Variants in XKR9 observed in about 807,000 individuals in gnomAD.
XKR9 encodes the protein XK related 9, also known as XK-related protein 9.
XKR9 carries 32 observed loss-of-function variants against 32.0 expected under a neutral mutation model. That is an observed-to-expected ratio of 1.00 (90% confidence interval 0.76 to 1.34). The LOEUF (loss-of-function observed/expected upper bound fraction) is 1.34. XKR9 is among the 40% of genes most tolerant of loss of function. XKR9 has a pLI of 0.00. For missense variants in XKR9, 546 were observed against 429.7 expected (o/e 1.27, Z -2.39); for synonymous variants, 168 against 143.4 (o/e 1.17, Z -1.22).
the XKR9 span, among the ~76,000 whole-genome samples, chr8:70,822,605 G>T: frequency 1.3e-5 from 2 of 151,122 alleles, no homozygotes; most frequent in African/African-American, 4.8e-5. Flanking sequence ...AATAGGTTCA[G>T]ATTTGCAGTG....
At chr8:70,677,109 G>A (rs1192214225) in intron 2 of XKR9, among the ~76,000 whole-genome samples, 1 of 149,328 alleles carries the variant, frequency 6.7e-6, no homozygotes, top group Non-Finnish European at 1.5e-5. Context: ...AAAAGCAGTG[G>A]AAAATAAGTT....
At chr8:70,712,188 T>C (rs1206987987) in intron 4 of XKR9, among the ~76,000 whole-genome samples, 1 of 152,054 alleles carries the variant, frequency 6.6e-6, no homozygotes, top group African/African-American at 2.4e-5. Flanking sequence ...GTTTAGAAGA[T>C]GGAAAGCAGA....
intron 2 of XKR9, among the ~76,000 whole-genome samples, chr8:70,757,283 G>T (rs1338109364): frequency 1.3e-5 from 2 of 151,214 alleles, no homozygotes; most frequent in Admixed American, 6.6e-5. Context: ...TTTCTGTGAG[G>T]GTCTGTTTAT....
chr8:70,855,435 T>C, the XKR9 span, among the ~76,000 whole-genome samples: 1 of 151,894 alleles, frequency 6.6e-6, no homozygotes, highest in East Asian at 1.9e-4. Flanking sequence ...AGAAAAAGAA[T>C]AAAAAGAAAT....
the XKR9 span, among the ~76,000 whole-genome samples, chr8:71,062,624 G>A: frequency 1.3e-5 from 2 of 152,122 alleles, no homozygotes; most frequent in African/African-American, 2.4e-5. Flanking sequence ...AGCCAGTTGG[G>A]TTTTGGTTTT....
At chr8:71,041,324 T>C in the XKR9 span, among the ~76,000 whole-genome samples, 4 of 152,296 alleles carry the variant, frequency 2.6e-5, no homozygotes, top group East Asian at 5.8e-4. Context: ...TGGGGGAATT[T>C]TCTGAAAAAT....
chr8:70,958,184 T>C, the XKR9 span, among the ~76,000 whole-genome samples: 2 of 152,194 alleles, frequency 1.3e-5, no homozygotes, highest in Non-Finnish European at 2.9e-5. Context: ...AGCTTTGTAA[T>C]AGAATGATTT....
At chr8:70,853,555 A>T in the XKR9 span, among the ~76,000 whole-genome samples, 4 of 151,316 alleles carry the variant, frequency 2.6e-5, no homozygotes, top group Admixed American at 1.3e-4. Context: ...TTTTTTTTTT[A>T]AATTATACTT....
the XKR9 span, among the ~76,000 whole-genome samples, chr8:71,047,887 C>T: frequency 6.6e-6 from 1 of 152,220 alleles, no homozygotes; most frequent in Non-Finnish European, 1.5e-5. Context: ...CAAACTACCT[C>T]TGCAGTAACT....
chr8:70,745,393 A>G (rs1807045067), intron 2 of XKR9, among the ~76,000 whole-genome samples: 1 of 152,230 alleles, frequency 6.6e-6, no homozygotes, highest in Admixed American at 6.5e-5. Flanking sequence ...TATGAGCAAT[A>G]CTTTCATAAA....
chr8:70,705,268 GAACAA>G (rs1349768736), intron 3 of XKR9, among the ~76,000 whole-genome samples: 1 of 152,112 alleles, frequency 6.6e-6, no homozygotes, highest in Non-Finnish European at 1.5e-5. Flanking sequence ...ATATAGCAAT[GAACAA>G]AACAAAGTCT....
chr8:70,782,632 TTTGA>T (rs2130255276), intron 2 of XKR9, among the ~76,000 whole-genome samples: 1 of 152,108 alleles, frequency 6.6e-6, no homozygotes, highest in East Asian at 1.9e-4. Context: ...CTTCTATAAG[TTTGA>T]TTGTTTTAGA....
intron 2 of XKR9, among the ~76,000 whole-genome samples, chr8:70,753,134 C>A (rs1304028495): frequency 1.3e-5 from 2 of 152,226 alleles, no homozygotes; most frequent in Admixed American, 1.3e-4. Context: ...ATACTACAAA[C>A]ACCTCTACAC....
At chr8:70,709,978 G>A (rs893539824) in intron 4 of XKR9, among the ~76,000 whole-genome samples, 3 of 152,018 alleles carry the variant, frequency 2.0e-5, no homozygotes, top group Non-Finnish European at 2.9e-5. Flanking sequence ...ACCCCAAATA[G>A]CCAAAGCAAT....
chr8:70,968,102 A>C, the XKR9 span, among the ~76,000 whole-genome samples: 1 of 152,180 alleles, frequency 6.6e-6, no homozygotes, highest in South Asian at 2.1e-4. Context: ...CTTTTTACAT[A>C]ATCCCATATG....
chr8:70,760,899 G>T (rs1427271794), intron 2 of XKR9, among the ~76,000 whole-genome samples: 2 of 152,020 alleles, frequency 1.3e-5, no homozygotes, highest in Non-Finnish European at 2.9e-5. Context: ...AGTGTGCATT[G>T]TTCCCCCTAT....
At chr8:70,886,612 G>C in the XKR9 span, among the ~76,000 whole-genome samples, 1 of 151,782 alleles carries the variant, frequency 6.6e-6, no homozygotes, top group South Asian at 2.1e-4. Flanking sequence ...TCTCATTGTG[G>C]TTTTGATTTG....
the XKR9 span, among the ~76,000 whole-genome samples, chr8:70,813,697 C>T: frequency 6.6e-6 from 1 of 152,218 alleles, no homozygotes; most frequent in African/African-American, 2.4e-5. Flanking sequence ...AAAAAATTCT[C>T]TTCATCACTG....
At chr8:70,706,680 AG>A (rs1048349207) in intron 3 of XKR9, among the ~76,000 whole-genome samples, 2 of 152,056 alleles carry the variant, frequency 1.3e-5, no homozygotes, top group Non-Finnish European at 2.9e-5. Context: ...ATTATTGTAA[AG>A]ATGAAATGGG....
Sources: gnomAD v4.1 joint callset for allele counts (sites outside exome capture counted in the v4.1 genomes callset) on GRCh38, gnomAD v4.1.1 for gene constraint, MANE v1.5 for transcripts, NCBI Gene and HGNC (gene_info 2026-07-23, HGNC 2026-07-21) for gene names.